Variants in RASAL2 observed in about 807,000 individuals in gnomAD.
The protein encoded by RASAL2 is RAS protein activator like 2.
A neutral mutation model predicts 128.9 loss-of-function variants in RASAL2; 58 were observed. The observed-to-expected ratio is 0.45, with a 90% CI of 0.36 to 0.56. The LOEUF (loss-of-function observed/expected upper bound fraction) is 0.56, where lower values mean the gene tolerates loss of function less well. Ranked by LOEUF, RASAL2 falls within the 20% of genes least tolerant of loss-of-function variation. The pLI is 0.00. For synonymous variants in RASAL2, 561 were observed against 580.8 expected (o/e 0.97, Z 0.49); for missense variants, 1,360 against 1,601.6 (o/e 0.85, Z 2.57).
chr1:178,134,807 C>T (rs1558072985), intron 1 of RASAL2, among the ~76,000 whole-genome samples: 1 of 152,170 alleles, frequency 6.6e-6, no homozygotes, highest in Non-Finnish European at 1.5e-5. Flanking sequence ...AGACAAAGTA[C>T]AATCAAATCA....
At position 178,477,393 on chromosome 1, in the gene RASAL2, G is replaced by C. The variant is rs1014267460; in HGVS notation, c.*4154G>C. Reference sequence around the variant, plus strand: ...TTTCATGTTTGAATGATTGTTATTAGTTCTAGAAGCATTCTCTTTGTCATG... The same window carrying C: ...TTTCATGTTTGAATGATTGTTATTACTTCTAGAAGCATTCTCTTTGTCATG... On this transcript the variant is annotated 3_prime_UTR_variant, in exon 18 of 18. Transcript: ENST00000367649. The C allele has an allele frequency of 5.8e-4, 88 of 152,138 alleles. No individual in the cohort carries two copies. Among genetic ancestry groups the C allele is most frequent in the African/African-American group, 2.0e-3 (83 of 41,412 alleles). The allele number at this position is 152,138 out of a possible 1,614,324, so 9.4% of individuals were successfully genotyped here.
intron 12 of RASAL2, 74 bp from the exon 13 acceptor site, chr1:178,456,647 G>A (rs1677793600): frequency 5.9e-6 from 9 of 1,529,672 alleles, no homozygotes; most frequent in Middle Eastern, 3.4e-4. Flanking sequence ...AATGGCCATC[G>A]TTGTGCCAAA....
rs536052086 is a variant in RASAL2, at chr1:178,197,745, A to G, written c.203-85819A>G. On this transcript the variant is annotated intron_variant, in intron 1 of 17. Coordinates refer to ENST00000367649, the MANE Select transcript of RASAL2 (RefSeq NM_170692.4). ...TTTAAGTTCTAGGGTACATGTGCAC[A>G]ATGTGCAGGTTTGTTACATGTGTAT... is the stretch of plus-strand genomic sequence containing the variant. Among the ~76,000 whole-genome samples, 6 of 152,272 alleles carry G rather than the reference A, an allele frequency of 3.9e-5. No individual in the cohort carries two copies. In the South Asian group the frequency reaches 1.2e-3, roughly 32 times the overall value.
intron 1 of RASAL2, among the ~76,000 whole-genome samples, chr1:178,110,203 G>C (rs1240734167): frequency 6.6e-6 from 1 of 151,948 alleles, no homozygotes; most frequent in Non-Finnish European, 1.5e-5. Flanking sequence ...CCTTTCCCCA[G>C]CCTAACACTA....
chr1:178,417,823 A>G (rs552675958), intron 4 of RASAL2, among the ~76,000 whole-genome samples: 1 of 151,916 alleles, frequency 6.6e-6, no homozygotes, highest in South Asian at 2.1e-4. Flanking sequence ...TTTAATTAGT[A>G]GACAGTCTAC....
At chr1:178,096,392 A>G (rs913045490) in intron 1 of RASAL2, among the ~76,000 whole-genome samples, 2 of 152,156 alleles carry the variant, frequency 1.3e-5, no homozygotes, top group Non-Finnish European at 2.9e-5. Context: ...GTAAGGACAT[A>G]AAAGTCTACA....
At position 178,441,682 on chromosome 1, in the gene RASAL2, A is replaced by T. The variant is rs778957798; in HGVS notation, c.927+35A>T. On this transcript the variant is annotated intron_variant, in intron 7 of 17. Coordinates refer to ENST00000367649, the MANE Select transcript of RASAL2 (RefSeq NM_170692.4). ...GCTTCAAGTATCTAAAAAATGTATA[A>T]CTTTGTAAGCAGTTAATTGATAGAA... 7 of 1,514,532 alleles carry T rather than the reference A, an allele frequency of 4.6e-6. No homozygotes were observed. In the South Asian group the frequency reaches 8.0e-5, roughly 17 times the overall value. 93.8% of individuals were successfully genotyped at this position (1,514,532 alleles called of 1,614,324 possible). A position where few individuals can be genotyped will look rare whatever the true frequency, so the allele number is the denominator to read the frequency against.
chr1:178,397,130 T>C (rs950801999), intron 4 of RASAL2, among the ~76,000 whole-genome samples: 1 of 152,246 alleles, frequency 6.6e-6, no homozygotes, highest in Non-Finnish European at 1.5e-5. Context: ...TTTAGGAATA[T>C]ACACAAGAAA....
At chr1:178,466,524 G>A (rs1647717524) in intron 16 of RASAL2, among the ~76,000 whole-genome samples, 1 of 152,148 alleles carries the variant, frequency 6.6e-6, no homozygotes, top group Admixed American at 6.5e-5. Flanking sequence ...GATGCCAAGG[G>A]AGAAAAAGGG....
At chr1:178,351,618 A>G (rs1670508303) in intron 3 of RASAL2, among the ~76,000 whole-genome samples, 1 of 152,002 alleles carries the variant, frequency 6.6e-6, no homozygotes, top group African/African-American at 2.4e-5. Flanking sequence ...AGTCCCAGCT[A>G]CTTGGGAGGC....
chr1:178,121,884 G>GA (rs1234203232), intron 1 of RASAL2, among the ~76,000 whole-genome samples: 1 of 152,144 alleles, frequency 6.6e-6, no homozygotes, highest in East Asian at 1.9e-4. Flanking sequence ...ATAACAAATA[G>GA]AAAAAAACCT....
intron 3 of RASAL2, among the ~76,000 whole-genome samples, chr1:178,368,756 G>A (rs1671545726): frequency 6.6e-6 from 1 of 151,726 alleles, no homozygotes; most frequent in African/African-American, 2.4e-5. Flanking sequence ...CCCTGCCTCA[G>A]CCTCCCAAGT....
intron 11 of RASAL2, 84 bp from the exon 12 acceptor site, chr1:178,454,363 G>A: frequency 8.8e-7 from 1 of 1,142,082 alleles, no homozygotes. Context: ...ATAAAAAAAA[G>A]TAATAGTTCT....
intron 1 of RASAL2, among the ~76,000 whole-genome samples, chr1:178,206,919 A>G (rs1663069518): frequency 6.6e-6 from 1 of 152,214 alleles, no homozygotes; most frequent in South Asian, 2.1e-4. Flanking sequence ...TTACTCCTGT[A>G]GTCCTAGCAC....
At chr1:178,435,613 T>G (rs1170601646) in intron 5 of RASAL2, among the ~76,000 whole-genome samples, 1 of 152,114 alleles carries the variant, frequency 6.6e-6, no homozygotes, top group East Asian at 1.9e-4. Context: ...TTTTAACCAT[T>G]ACCTATCACA....
intron 1 of RASAL2, among the ~76,000 whole-genome samples, chr1:178,096,770 T>C (rs1658707549): frequency 6.6e-6 from 1 of 152,020 alleles, no homozygotes; most frequent in African/African-American, 2.4e-5. Context: ...TAACCAGAAG[T>C]TGTTTTTATT....
intron 3 of RASAL2, among the ~76,000 whole-genome samples, chr1:178,328,637 C>G (rs1458329052): frequency 6.6e-6 from 1 of 152,126 alleles, no homozygotes; most frequent in Non-Finnish European, 1.5e-5. Flanking sequence ...GATGACAAAA[C>G]AGTGACAATG....
At chr1:178,440,748 T>C (rs1676587389) in intron 6 of RASAL2, among the ~76,000 whole-genome samples, 1 of 152,124 alleles carries the variant, frequency 6.6e-6, no homozygotes, top group Non-Finnish European at 1.5e-5. Flanking sequence ...TAAAGGACTG[T>C]GTTAATAGTG....
chr1:178,413,037 C>T (rs1674512038), intron 4 of RASAL2, among the ~76,000 whole-genome samples: 2 of 151,648 alleles, frequency 1.3e-5, no homozygotes, highest in Admixed American at 6.6e-5. Flanking sequence ...TTCCTTCCTT[C>T]CTTCCGTCTG....
Sources: gnomAD v4.1 joint callset for allele counts (sites outside exome capture counted in the v4.1 genomes callset) on GRCh38, gnomAD v4.1.1 for gene constraint, MANE v1.5 for transcripts, NCBI Gene and HGNC (gene_info 2026-07-23, HGNC 2026-07-21) for gene names.